The following ASAP1 variants were observed in gnomAD, a reference collection of about 807,000 sequenced individuals.
The protein encoded by ASAP1 is arf-GAP with SH3 domain, ANK repeat and PH domain-containing protein 1.
Under a neutral mutation model 145.2 loss-of-function variants are expected in ASAP1, and 43 were observed. The observed-to-expected ratio is 0.30, with a 90% CI of 0.23 to 0.38. The LOEUF (loss-of-function observed/expected upper bound fraction) is 0.38. Among genes scored for constraint, ASAP1 ranks in the 10% least tolerant of loss-of-function variants. ASAP1 has a pLI of 1.00. For missense variants in ASAP1, 1,018 were observed against 1,355.3 expected (o/e 0.75, Z 3.91); for synonymous variants, 546 against 515.5 (o/e 1.06, Z -0.80).
intron 2 of ASAP1, among the ~76,000 whole-genome samples, chr8:130,381,091 G>A (rs1304087577): frequency 3.9e-5 from 6 of 152,186 alleles, no homozygotes; most frequent in East Asian, 3.9e-4. Context: ...TTGCCATGTC[G>A]TCCAGGCTGG....
At chr8:130,153,468 C>T (rs1476339393) in intron 12 of ASAP1, among the ~76,000 whole-genome samples, 1 of 149,978 alleles carries the variant, frequency 6.7e-6, no homozygotes, top group Non-Finnish European at 1.5e-5. Context: ...TTCTCAGACT[C>T]ATATGATCCT....
chr8:130,203,347 C>T (rs1489551882), intron 5 of ASAP1, among the ~76,000 whole-genome samples: 3 of 152,184 alleles, frequency 2.0e-5, no homozygotes, highest in African/African-American at 7.2e-5. Flanking sequence ...GCTCAAAGCA[C>T]CCACCTGGCT....
At chr8:130,139,823 G>C (rs1441190436) in intron 13 of ASAP1, among the ~76,000 whole-genome samples, 1 of 150,840 alleles carries the variant, frequency 6.6e-6, no homozygotes, top group Non-Finnish European at 1.5e-5. Flanking sequence ...GAATGTGACA[G>C]AAGGTTAACT....
At chr8:130,067,099 T>C (rs2135139402) in intron 27 of ASAP1, among the ~76,000 whole-genome samples, 1 of 152,296 alleles carries the variant, frequency 6.6e-6, no homozygotes, top group East Asian at 1.9e-4. Context: ...CAAACTCAAC[T>C]TATCCCAGGA....
At chr8:130,172,144 A>C (rs1055707249) in intron 9 of ASAP1, among the ~76,000 whole-genome samples, 14 of 152,330 alleles carry the variant, frequency 9.2e-5, no homozygotes, top group African/African-American at 3.4e-4. Context: ...ACTACCCAGC[A>C]AAGTGTGGGG....
chr8:130,118,698 A>T lies in ASAP1; in HGVS notation c.1608-23T>A, dbSNP rs144038616. Reference sequence around the variant, plus strand: ...GTCCTAAAACAGAACAAAATAAAGAATTTTTATTTTCCAAGTGCTAGGAAA... The same window carrying T: ...GTCCTAAAACAGAACAAAATAAAGATTTTTTATTTTCCAAGTGCTAGGAAA... On this transcript the variant is annotated intron_variant, in intron 18 of 29. Coordinates refer to ENST00000518721, the MANE Select transcript of ASAP1 (RefSeq NM_018482.4). 1.4e-5 allele frequency: 20 copies of T among 1,400,862 alleles called. No homozygotes were observed. The African/African-American group carries it at 2.8e-4, about 19-fold the overall frequency. The allele number at this position is 1,400,862 out of a possible 1,614,324, so 86.8% of individuals were successfully genotyped here.
At chr8:130,119,801 GT>G (rs201471995) in intron 18 of ASAP1, among the ~76,000 whole-genome samples, 18 of 147,766 alleles carry the variant, frequency 1.2e-4, no homozygotes, top group African/African-American at 2.7e-4. Context: ...ATGAGCTTCA[GT>G]TTTTTTTTTT....
chr8:130,215,995 GA>G (rs1816892655), intron 4 of ASAP1, among the ~76,000 whole-genome samples: 1 of 131,056 alleles, frequency 7.6e-6, no homozygotes, highest in African/African-American at 3.1e-5. Context: ...GAAAGGAAAG[GA>G]AAGGAAAGGA....
At chr8:130,378,756 G>A (rs1274254930) in intron 2 of ASAP1, among the ~76,000 whole-genome samples, 2 of 152,314 alleles carry the variant, frequency 1.3e-5, no homozygotes, top group South Asian at 2.1e-4. Context: ...CACACAGTAG[G>A]TGCCCTGCAG....
At chr8:130,132,169 T>C (rs1261000261) in intron 15 of ASAP1, among the ~76,000 whole-genome samples, 1 of 152,214 alleles carries the variant, frequency 6.6e-6, no homozygotes, top group Non-Finnish European at 1.5e-5. Context: ...CATGGGCACA[T>C]TGTGCCTCTG....
chr8:130,200,806 G>A (rs148205079), intron 5 of ASAP1, among the ~76,000 whole-genome samples: 8 of 152,296 alleles, frequency 5.3e-5, no homozygotes, highest in African/African-American at 1.2e-4. Context: ...TAATTAACCA[G>A]CAGCCTATTT....
At chr8:130,165,848 T>C (rs371742001) in intron 11 of ASAP1, among the ~76,000 whole-genome samples, 3 of 152,230 alleles carry the variant, frequency 2.0e-5, no homozygotes, top group Admixed American at 6.5e-5. Context: ...GTGTCACTAG[T>C]GCAGGGCTTC....
At chr8:130,285,761 A>G (rs1319841987) in intron 3 of ASAP1, among the ~76,000 whole-genome samples, 1 of 152,244 alleles carries the variant, frequency 6.6e-6, no homozygotes, top group African/African-American at 2.4e-5. Context: ...TCTGTAAAAA[A>G]TATGAAATAT....
chr8:130,115,783 A>T lies in ASAP1; in HGVS notation c.2065-48T>A, dbSNP rs761995670. ...ACCATTTTAATTTAAATGCTGAAACATCCCAATATTATACAAACACTGAGC... is the reference window on the plus strand; with the variant it reads ...ACCATTTTAATTTAAATGCTGAAACTTCCCAATATTATACAAACACTGAGC... On this transcript the variant is annotated intron_variant, in intron 22 of 29. Coordinates refer to ENST00000518721, the MANE Select transcript of ASAP1 (RefSeq NM_018482.4). 6 of 1,235,862 alleles carry T rather than the reference A, an allele frequency of 4.9e-6. No homozygotes were observed. The Admixed American group carries it at 8.8e-5, about 18-fold the overall frequency. 76.6% of individuals were successfully genotyped at this position (1,235,862 alleles called of 1,614,324 possible).
Position 130,093,666 on chromosome 8 carries a change from C to CAAAAAAA in ASAP1, c.2402-1530_2402-1524dup, listed in dbSNP as rs71572317. On this transcript the variant is annotated intron_variant, in intron 24 of 29. Coordinates refer to ENST00000518721, the MANE Select transcript of ASAP1 (RefSeq NM_018482.4). ...TGGCTGTCACAGCGAGACTCCGTCT[C>CAAAAAAA]AAAAAAAAAAAAAAAAAAAAAAAGA... 2.7e-3 allele frequency among the ~76,000 whole-genome samples: 140 copies of CAAAAAAA among 52,138 alleles called. 13 individuals are homozygous for CAAAAAAA. In the East Asian group the frequency reaches 0.037, roughly 14 times the overall value. The allele number at this position is 52,138 out of a possible 152,430, so 34.2% of individuals were successfully genotyped here. A position where few individuals can be genotyped will look rare whatever the true frequency, so the allele number is the denominator to read the frequency against.
chr8:130,383,617 G>A (rs1372523321), intron 2 of ASAP1, among the ~76,000 whole-genome samples: 2 of 152,216 alleles, frequency 1.3e-5, no homozygotes, highest in Non-Finnish European at 2.9e-5. Context: ...GAGGGTCACA[G>A]GGATTCGTGG....
At chr8:130,099,941 T>A (rs2097525744) in intron 24 of ASAP1, among the ~76,000 whole-genome samples, 1 of 152,188 alleles carries the variant, frequency 6.6e-6, no homozygotes, top group African/African-American at 2.4e-5. Flanking sequence ...TGATTCCATA[T>A]CTTGGCTACT....
In ASAP1 at chr8:130,369,813, A is replaced by G. The variant is rs558880529; in HGVS notation, c.60-11670T>C. Among the ~76,000 whole-genome samples the G allele has an allele frequency of 3.3e-5, 5 of 152,208 alleles. No homozygotes were observed. The South Asian group carries it at 1.0e-3, about 32-fold the overall frequency. On this transcript the variant is annotated intron_variant, in intron 2 of 29. Transcript: ENST00000518721. ...AGTAGCTTTGAAAGACAATTTGGCA[A>G]CTCCTCAAAAGGTTAAACCAAGTGT...
chr8:130,356,802 TG>T (rs1826337446), intron 3 of ASAP1, among the ~76,000 whole-genome samples: 1 of 152,176 alleles, frequency 6.6e-6, no homozygotes, highest in Admixed American at 6.5e-5. Flanking sequence ...TGTGGAAACA[TG>T]AGTATCAAAG....
Sources: allele counts gnomAD v4.1 joint callset (sites outside exome capture counted in the v4.1 genomes callset), GRCh38; gene constraint gnomAD v4.1.1; transcripts MANE v1.5; gene names NCBI Gene and HGNC (gene_info 2026-07-23, HGNC 2026-07-21).